The following RPS6KL1 variants were observed in gnomAD, a reference collection of about 807,000 sequenced individuals.
RPS6KL1 encodes ribosomal protein S6 kinase like 1.
Under a neutral mutation model 57.0 loss-of-function variants are expected in RPS6KL1, and 41 were observed. The ratio of observed to expected loss-of-function variants is 0.72; its 90% CI spans 0.56 to 0.93. The LOEUF is 0.93. Ranked by LOEUF, RPS6KL1 falls within the 40% of genes least tolerant of loss-of-function variation. The pLI is 0.00. For synonymous variants in RPS6KL1, 287 were observed against 309.7 expected, an observed-to-expected ratio of 0.93 and a Z score of 0.77; for missense variants, 697 against 727.7, an observed-to-expected ratio of 0.96 and a Z score of 0.49.
At position 74,922,081 on chromosome 14, in the gene RPS6KL1, G is replaced by A. The variant is rs1887953597; in HGVS notation, c.-124C>T. 1.5e-6 allele frequency: 1 copy of A among 646,150 alleles called. No homozygotes were observed. Among genetic ancestry groups the A allele is most frequent in the African/African-American group, 2.0e-5 (1 of 50,374 alleles). The allele number at this position is 646,150 out of a possible 1,614,324, so 40.0% of individuals were successfully genotyped here. ...GACGTGAGCCACCGCGCAGGCCTGG[G>A]GCTCTGTTTTCCTTTCCAGTCAAAT... On this transcript the variant is annotated 5_prime_UTR_variant, in exon 2 of 12. Coordinates refer to ENST00000557413, the MANE Select transcript of RPS6KL1 (RefSeq NM_031464.5).
At chr14:74,920,640 C>T (rs1416491757) in intron 3 of RPS6KL1, among the ~76,000 whole-genome samples, 1 of 152,250 alleles carries the variant, frequency 6.6e-6, no homozygotes, top group Non-Finnish European at 1.5e-5. Context: ...GGATAACGCA[C>T]CTACCATTCT....
Position 74,906,578 on chromosome 14 carries a change from T to G in RPS6KL1, c.*436A>C, listed in dbSNP as rs770799543. 1.9e-6 allele frequency: 1 copy of G among 529,946 alleles called. No individual in the cohort carries two copies. The highest frequency in any genetic ancestry group is 1.9e-5 in the African/African-American group (1 of 51,952). 32.8% of individuals were successfully genotyped at this position (529,946 alleles called of 1,614,324 possible). ...CCAGGACAGTCTGGTTTGGGTCCAC[T>G]GAGCCAGTGGATCAGTGTCCTGAGA... On this transcript the variant is annotated 3_prime_UTR_variant, in exon 12 of 12. Transcript: ENST00000557413.
In RPS6KL1 at chr14:74,921,329, C is replaced by T. The variant is rs370937268; in HGVS notation, c.213G>A (p.Ala71=). ...LERDVSEDYE[A]AFNHYQNGVD... Reference sequence around the variant, plus strand: ...CGCCATTCTGATAGTGGTTGAAGGCCGCCTCATAGTCCTCACTAACATCGC... The same window carrying T: ...CGCCATTCTGATAGTGGTTGAAGGCTGCCTCATAGTCCTCACTAACATCGC... Residue 71 remains alanine (A), a synonymous_variant, in exon 3 of 12, where the codon GCG becomes GCA. Coordinates refer to ENST00000557413, the MANE Select transcript of RPS6KL1 (RefSeq NM_031464.5). 30 of 1,614,112 alleles carry T rather than the reference C, an allele frequency of 1.9e-5. No homozygotes were observed. Among genetic ancestry groups the T allele is most frequent in the East Asian group, 4.5e-5 (2 of 44,896 alleles).
At chr14:74,908,396 C>A (rs970072718) in intron 10 of RPS6KL1, among the ~76,000 whole-genome samples, 2 of 152,140 alleles carry the variant, frequency 1.3e-5, no homozygotes, top group African/African-American at 4.8e-5. Context: ...ATCTTTTGAG[C>A]TCTTGGCTGA....
rs1445884777 is a variant in RPS6KL1 at position 74,919,854 on chromosome 14, G to A, written c.381C>T (p.Ser127=). ...HLQRPLSSGA[S]PSAGFSSLRL... is the part of the protein sequence containing the mutation. ...GGGGGGGTCTCCTCACCGCGCTGGG[G>A]CTGGCTCCACTGCTCAGCGGCCGCT... Residue 127 remains serine (S), a synonymous_variant, in exon 4 of 12, where the codon AGC becomes AGT. Transcript: ENST00000557413. 2 of 1,613,320 alleles carry A rather than the reference G, an allele frequency of 1.2e-6. No individual in the cohort carries two copies. Among genetic ancestry groups the A allele is most frequent in the Non-Finnish European group, 1.7e-6 (2 of 1,179,934 alleles).
chr14:74,906,403 C>CGGGGGGGG lies in RPS6KL1; in HGVS notation c.*610_*611insCCCCCCCC, dbSNP rs1172835077. The CGGGGGGGG allele has an allele frequency of 4.8e-6, 1 of 210,238 alleles. No homozygotes were observed. Among genetic ancestry groups the CGGGGGGGG allele is most frequent in the Non-Finnish European group, 9.3e-6 (1 of 107,992 alleles). 13.0% of individuals were successfully genotyped at this position (210,238 alleles called of 1,614,324 possible). A position where few individuals can be genotyped will look rare whatever the true frequency, so the allele number is the denominator to read the frequency against. On this transcript the variant is annotated 3_prime_UTR_variant, in exon 12 of 12. Transcript: ENST00000557413. ...CAAGATAGGGGGCATGGTCAGGAATCGGGGGTGGGGGGGTGGGGGTGGGGG... is the reference window on the plus strand; with the variant it reads ...CAAGATAGGGGGCATGGTCAGGAATCGGGGGGGGGGGGGTGGGGGGGTGGGGGTGGGGG...
intron 5 of RPS6KL1, among the ~76,000 whole-genome samples, chr14:74,913,220 C>T (rs1886312960): frequency 6.6e-6 from 1 of 152,210 alleles, no homozygotes; most frequent in Admixed American, 6.5e-5. Flanking sequence ...ATTCCAAATG[C>T]CTACCTTCCC....
Position 74,921,353 on chromosome 14 carries a change from G to A in RPS6KL1, c.189C>T (p.Arg63=), listed in dbSNP as rs368777543. The A allele has an allele frequency of 5.0e-5, 80 of 1,614,072 alleles. No homozygotes were observed. The highest frequency in any genetic ancestry group is 3.3e-4 in the Middle Eastern group (2 of 6,084). The change falls in exon 3 of 12, where the codon CGC becomes CGT. Residue 63 remains arginine (R), a synonymous_variant. Coordinates refer to ENST00000557413, the MANE Select transcript of RPS6KL1 (RefSeq NM_031464.5). The stretch of plus-strand genomic sequence containing the variant: ...CCGCCTCATAGTCCTCACTAACATC[G>A]CGCTCCAGGGCCAGCCGGATCTGCG... The part of the protein sequence containing the change: ...AATQIRLALE[R]DVSEDYEAAF...
At chr14:74,921,127 A>C in intron 3 of RPS6KL1, 150 bp downstream of exon 3, 4 of 664,224 alleles carry the variant, frequency 6.0e-6, no homozygotes, top group South Asian at 1.8e-5. Flanking sequence ...AGTGCCAGCT[A>C]TCATTGTCTT....
At position 74,904,769 on chromosome 14, in the gene RPS6KL1, A is replaced by G. The variant is rs1034101643; in HGVS notation, c.*2245T>C. ...TTGTGGACCAAGATGCTCAAGGTCA[A>G]TACACATGAACAGGTGAGGGTTGAT... is the stretch of plus-strand genomic sequence containing the variant. On this transcript the variant is annotated 3_prime_UTR_variant, in exon 12 of 12. Coordinates refer to ENST00000557413, the MANE Select transcript of RPS6KL1 (RefSeq NM_031464.5). The G allele has an allele frequency of 2.0e-5, 3 of 152,242 alleles. No individual in the cohort carries two copies. Among genetic ancestry groups the G allele is most frequent in the African/African-American group, 7.2e-5 (3 of 41,456 alleles). 9.4% of individuals were successfully genotyped at this position (152,242 alleles called of 1,614,324 possible).
At position 74,906,989 on chromosome 14, in the gene RPS6KL1, T is replaced by A. The variant is rs557545234; in HGVS notation, c.*25A>T. On this transcript the variant is annotated 3_prime_UTR_variant, in exon 12 of 12. Coordinates refer to ENST00000557413, the MANE Select transcript of RPS6KL1 (RefSeq NM_031464.5). ...GAGAGGCGATCCAGACCAGGCCAGC[T>A]GCTTCCGTCACCCGCTCTGCCCTCT... is the stretch of plus-strand genomic sequence containing the variant. 1 of 1,550,026 alleles carries A rather than the reference T, an allele frequency of 6.5e-7. No individual in the cohort carries two copies. The highest frequency in any genetic ancestry group is 1.4e-5 in the African/African-American group (1 of 73,814).
chr14:74,920,064 G>A (rs547034903), intron 3 of RPS6KL1, 95 bp from the exon 4 acceptor site: 361 of 1,496,602 alleles, frequency 2.4e-4, no homozygotes, highest in Non-Finnish European at 3.2e-4. Flanking sequence ...CCCAAGGAGT[G>A]AGCTCCTGTT....
At chr14:74,915,268 A>G (rs1886650829) in intron 5 of RPS6KL1, among the ~76,000 whole-genome samples, 1 of 152,100 alleles carries the variant, frequency 6.6e-6, no homozygotes, top group African/African-American at 2.4e-5. Flanking sequence ...AGCACCCTAT[A>G]AGGCTTCGTT....
Position 74,909,856 on chromosome 14 carries a change from T to C in RPS6KL1, c.957A>G (p.Pro319=). 1 of 1,613,080 alleles carries C rather than the reference T, an allele frequency of 6.2e-7. No homozygotes were observed. ...GGTGCAGGTGGCCACCTGGGGCCTT[T>C]GGAAGGTCCGAGGAGCCAGAGGTGC... The part of the protein sequence containing the change: ...RTSTSGSSDL[P]KAPGGHLHLQ... Residue 319 remains proline (P), a synonymous_variant, in exon 8 of 12, where the codon CCA becomes CCG. Transcript: ENST00000557413.
At chr14:74,912,119 T>C (rs1322521169) in intron 5 of RPS6KL1, among the ~76,000 whole-genome samples, 1 of 152,150 alleles carries the variant, frequency 6.6e-6, no homozygotes, top group African/African-American at 2.4e-5. Context: ...CTCTCTTAGT[T>C]CACCCTTAGG....
intron 2 of RPS6KL1, 49 bp from the exon 3 acceptor site, chr14:74,921,610 C>T (rs548156721): frequency 3.2e-6 from 5 of 1,540,928 alleles, no homozygotes; most frequent in Admixed American, 1.9e-5. Context: ...AGCAACACCC[C>T]TATCCGCACC....
At chr14:74,911,553 C>G (rs910224632) in intron 6 of RPS6KL1, 173 bp from the exon 7 acceptor site, 14 of 762,990 alleles carry the variant, frequency 1.8e-5, no homozygotes, top group African/African-American at 1.7e-4. Flanking sequence ...GTCCTCCACC[C>G]TCTAGCCAAA....
intron 5 of RPS6KL1, among the ~76,000 whole-genome samples, chr14:74,918,222 C>T (rs1887189943): frequency 6.6e-6 from 1 of 152,158 alleles, no homozygotes; most frequent in South Asian, 2.1e-4. Context: ...GCCCAAAGTG[C>T]TGGGATTCCA....
chr14:74,904,762 A>G lies in RPS6KL1; in HGVS notation c.*2252T>C, dbSNP rs1884500629. On this transcript the variant is annotated 3_prime_UTR_variant, in exon 12 of 12. Transcript: ENST00000557413. ...GATAGCCTTGTGGACCAAGATGCTC[A>G]AGGTCAATACACATGAACAGGTGAG... 1 of 152,202 alleles carries G rather than the reference A, an allele frequency of 6.6e-6. No homozygotes were observed. The highest frequency in any genetic ancestry group is 1.5e-5 in the Non-Finnish European group (1 of 68,026). The allele number at this position is 152,202 out of a possible 1,614,324, so 9.4% of individuals were successfully genotyped here. A position where few individuals can be genotyped will look rare whatever the true frequency, so the allele number is the denominator to read the frequency against.
Sources: allele counts gnomAD v4.1 joint callset (sites outside exome capture counted in the v4.1 genomes callset), GRCh38; gene constraint gnomAD v4.1.1; transcripts MANE v1.5; gene names NCBI Gene and HGNC (gene_info 2026-07-23, HGNC 2026-07-21).